NSMCE2: variants seen among roughly 807,000 people sequenced by gnomAD.
The protein encoded by NSMCE2 is NSE2 SUMO ligase component of SMC5/6 complex.
In NSMCE2, 24 loss-of-function variants were observed where a neutral mutation model predicts 23.8. That is an observed-to-expected ratio of 1.01 (90% confidence interval 0.73 to 1.42). NSMCE2 has a LOEUF of 1.42. Among genes scored for constraint, NSMCE2 ranks in the 40% most tolerant of loss-of-function variants. NSMCE2 has a pLI of 0.00. For missense variants in NSMCE2, 284 were observed against 296.5 expected (o/e 0.96, Z 0.31); for synonymous variants, 92 against 94.1 (o/e 0.98, Z 0.13).
At chr8:125,257,420 G>T (rs760785142) in intron 5 of NSMCE2, among the ~76,000 whole-genome samples, 49 of 152,122 alleles carry the variant, frequency 3.2e-4, no homozygotes, top group Admixed American at 2.2e-3. Context: ...GTTGAAAAAG[G>T]GGGTAATCTC....
At chr8:125,211,034 C>T (rs1824316597) in intron 5 of NSMCE2, among the ~76,000 whole-genome samples, 1 of 152,056 alleles carries the variant, frequency 6.6e-6, no homozygotes. Flanking sequence ...TGCCTGGCCT[C>T]CCAGATTGAT....
At chr8:125,342,923 C>CT (rs1210843644) in intron 5 of NSMCE2, among the ~76,000 whole-genome samples, 6 of 152,260 alleles carry the variant, frequency 3.9e-5, no homozygotes, top group Non-Finnish European at 7.4e-5. Context: ...CACCCTCGGG[C>CT]TTTGATCTTT....
intron 5 of NSMCE2, among the ~76,000 whole-genome samples, chr8:125,203,192 TA>T (rs562376977): frequency 0.015 from 2,184 of 144,464 alleles, 33 homozygotes; most frequent in African/African-American, 0.045. Flanking sequence ...AGTTAGCCTT[TA>T]AAAAAAAAAA....
rs1355899799 is a variant in NSMCE2, at chr8:125,356,360, C to T, written c.419-859C>T. Among the ~76,000 whole-genome samples, 4 of 118,732 alleles carry T rather than the reference C, an allele frequency of 3.4e-5. No homozygotes were observed. In the Admixed American group the frequency reaches 3.6e-4, roughly 11 times the overall value. 77.9% of individuals were successfully genotyped at this position (118,732 alleles called of 152,430 possible). A position where few individuals can be genotyped will look rare whatever the true frequency, so the allele number is the denominator to read the frequency against. On this transcript the variant is annotated intron_variant, in intron 5 of 7. Transcript: ENST00000287437. ...TTTTTTTTTTTTTGAGACAGAGTCT[C>T]GCTCTGTCACCAGACTGGAGTGAAA... is the stretch of plus-strand genomic sequence containing the variant.
chr8:125,193,916 G>A (rs904512629), intron 5 of NSMCE2, among the ~76,000 whole-genome samples: 4 of 152,110 alleles, frequency 2.6e-5, no homozygotes, highest in Non-Finnish European at 4.4e-5. Flanking sequence ...ACTGTATGTC[G>A]TTGATTTATT....
intron 4 of NSMCE2, among the ~76,000 whole-genome samples, chr8:125,158,732 C>T (rs1034391105): frequency 1.3e-5 from 2 of 152,206 alleles, no homozygotes; most frequent in African/African-American, 4.8e-5. Flanking sequence ...TCACAATTTT[C>T]ACGTAATTAA....
At chr8:125,324,437 T>C (rs573090287) in intron 5 of NSMCE2, among the ~76,000 whole-genome samples, 2 of 143,142 alleles carry the variant, frequency 1.4e-5, no homozygotes, top group Admixed American at 1.6e-4. Flanking sequence ...TGAATAGACA[T>C]TGTATGTCAT....
At chr8:125,260,228 G>A (rs887392271) in intron 5 of NSMCE2, among the ~76,000 whole-genome samples, 10 of 152,104 alleles carry the variant, frequency 6.6e-5, no homozygotes, top group East Asian at 1.9e-4. Flanking sequence ...GAGTGGCCCC[G>A]GAATGTGACT....
At chr8:125,263,448 G>C (rs1826784386) in intron 5 of NSMCE2, among the ~76,000 whole-genome samples, 1 of 152,052 alleles carries the variant, frequency 6.6e-6, no homozygotes, top group Admixed American at 6.6e-5. Context: ...CCATGTTCAT[G>C]CTCTAGAAAG....
chr8:125,197,152 G>A (rs985711346), intron 5 of NSMCE2, among the ~76,000 whole-genome samples: 12 of 152,170 alleles, frequency 7.9e-5, no homozygotes, highest in Admixed American at 6.5e-4. Flanking sequence ...TAGGTTGCCT[G>A]TTCACTCTGA....
At chr8:125,312,963 C>T (rs1329950421) in intron 5 of NSMCE2, among the ~76,000 whole-genome samples, 1 of 151,922 alleles carries the variant, frequency 6.6e-6, no homozygotes, top group Non-Finnish European at 1.5e-5. Context: ...TGCAAAGGCC[C>T]TGGGGCTAGA....
At chr8:125,201,443 C>A (rs1005851841) in intron 5 of NSMCE2, among the ~76,000 whole-genome samples, 14 of 152,184 alleles carry the variant, frequency 9.2e-5, no homozygotes, top group Admixed American at 8.5e-4. Context: ...AGCTGCAGGT[C>A]TGTTGGAGTT....
At chr8:125,180,364 G>T (rs938390477) in intron 4 of NSMCE2, among the ~76,000 whole-genome samples, 1 of 152,108 alleles carries the variant, frequency 6.6e-6, no homozygotes, top group Non-Finnish European at 1.5e-5. Context: ...GCACTTGGGG[G>T]TTAGCAATAC....
chr8:125,220,900 T>C (rs577916750), intron 5 of NSMCE2, among the ~76,000 whole-genome samples: 1 of 152,338 alleles, frequency 6.6e-6, no homozygotes, highest in East Asian at 1.9e-4. Flanking sequence ...TATAGTTCTT[T>C]ATTCTGTGGT....
chr8:125,163,434 G>A (rs1027821849), intron 4 of NSMCE2, among the ~76,000 whole-genome samples: 1 of 152,150 alleles, frequency 6.6e-6, no homozygotes, highest in African/African-American at 2.4e-5. Context: ...GTCCAGCTGG[G>A]AAATAAAGAT....
At chr8:125,137,419 G>A (rs1432908800) in intron 3 of NSMCE2, among the ~76,000 whole-genome samples, 4 of 152,008 alleles carry the variant, frequency 2.6e-5, no homozygotes, top group Non-Finnish European at 4.4e-5. Flanking sequence ...TCTTTTTCTT[G>A]GTATAAATGT....
At chr8:125,233,948 A>T (rs1020732389) in intron 5 of NSMCE2, among the ~76,000 whole-genome samples, 2 of 150,608 alleles carry the variant, frequency 1.3e-5, no homozygotes, top group Non-Finnish European at 3.0e-5. Context: ...AGGCTGAGGC[A>T]GGCGGATCAT....
At chr8:125,168,782 T>C (rs1822027542) in intron 4 of NSMCE2, among the ~76,000 whole-genome samples, 1 of 152,224 alleles carries the variant, frequency 6.6e-6, no homozygotes. Flanking sequence ...AGGTATAGTT[T>C]GGTGCTTTTC....
chr8:125,216,922 G>A (rs1329835117), intron 5 of NSMCE2, among the ~76,000 whole-genome samples: 1 of 152,202 alleles, frequency 6.6e-6, no homozygotes, highest in African/African-American at 2.4e-5. Flanking sequence ...GATTTTGAAA[G>A]TTACTTACAC....
Sources: gnomAD v4.1 joint callset for allele counts (sites outside exome capture counted in the v4.1 genomes callset) on GRCh38, gnomAD v4.1.1 for gene constraint, MANE v1.5 for transcripts, NCBI Gene and HGNC (gene_info 2026-07-23, HGNC 2026-07-21) for gene names.